ZNF385D: variants seen among roughly 807,000 people sequenced by gnomAD.
The protein encoded by ZNF385D is zinc finger protein 385D.
ZNF385D carries 15 observed loss-of-function variants against 35.8 expected under a neutral mutation model. That is an observed-to-expected ratio of 0.42 (90% CI 0.28 to 0.64). ZNF385D has a LOEUF of 0.64. ZNF385D is among the 30% of genes least tolerant of loss of function. The probability of loss-of-function intolerance (pLI) is 0.23; values close to 1 mark genes in which losing one functional copy is unlikely to be tolerated. For missense variants in ZNF385D, 474 were observed against 494.6 expected (o/e 0.96, Z 0.39); for synonymous variants, 212 against 186.8 (o/e 1.13, Z -1.10).
chr3:21,607,479 AT>A (rs1311968032), intron 2 of ZNF385D, among the ~76,000 whole-genome samples: 1 of 150,098 alleles, frequency 6.7e-6, no homozygotes, highest in East Asian at 1.9e-4. Context: ...CTACTGCTCT[AT>A]CATTATCATT....
chr3:21,867,542 T>A (rs900113447), intron 3 of ZNF385D, among the ~76,000 whole-genome samples: 1 of 152,164 alleles, frequency 6.6e-6, no homozygotes, highest in Non-Finnish European at 1.5e-5. Context: ...TCTGTCAAGA[T>A]TGCGTCTTGA....
chr3:21,618,027 A>G (rs374454148), intron 2 of ZNF385D, among the ~76,000 whole-genome samples: 3 of 152,246 alleles, frequency 2.0e-5, no homozygotes, highest in Middle Eastern at 6.8e-3. Context: ...CTTTTCTCCT[A>G]TGCAGTGGGT....
At chr3:21,491,206 G>A (rs1192212438) in intron 4 of ZNF385D, among the ~76,000 whole-genome samples, 1 of 70,568 alleles carries the variant, frequency 1.4e-5, no homozygotes, top group Non-Finnish European at 2.8e-5. Flanking sequence ...GTGGGATTCA[G>A]ATAAAGGGGT....
intron 4 of ZNF385D, among the ~76,000 whole-genome samples, chr3:21,442,069 G>A (rs1701888666): frequency 6.6e-6 from 1 of 152,148 alleles, no homozygotes; most frequent in East Asian, 1.9e-4. Flanking sequence ...ATTCAAAGTG[G>A]CCCATTTGTG....
At chr3:22,344,766 G>T (rs138048517) in intron 2 of ZNF385D, among the ~76,000 whole-genome samples, 68 of 152,198 alleles carry the variant, frequency 4.5e-4, no homozygotes, top group African/African-American at 1.6e-3. Flanking sequence ...TGTTTGTAAA[G>T]ATTAAGTATA....
intron 1 of ZNF385D, among the ~76,000 whole-genome samples, chr3:21,725,459 G>A (rs767814922): frequency 6.6e-6 from 1 of 152,026 alleles, no homozygotes; most frequent in Non-Finnish European, 1.5e-5. Context: ...GAAGAAGACA[G>A]AGAAGAATCA....
intron 2 of ZNF385D, among the ~76,000 whole-genome samples, chr3:21,615,354 G>GT (rs75924497): frequency 0.31 from 46,824 of 152,012 alleles, 8,071 homozygotes; most frequent in South Asian, 0.48. Flanking sequence ...GCCATGCTTT[G>GT]TGTACAGCCT....
At chr3:21,677,535 C>A (rs1047944886) in intron 1 of ZNF385D, among the ~76,000 whole-genome samples, 1 of 151,984 alleles carries the variant, frequency 6.6e-6, no homozygotes. Context: ...CATGTTCTTA[C>A]TATTCCTTAG....
At chr3:21,694,042 C>CTCTTTTTTTTTTTTTTTTTTTTT (rs2067379702) in intron 1 of ZNF385D, among the ~76,000 whole-genome samples, 1 of 22,178 alleles carries the variant, frequency 4.5e-5, no homozygotes, top group Non-Finnish European at 8.5e-5. Flanking sequence ...CTACGCCTGG[C>CTCTTTTTTTTTTTTTTTTTTTTT]TTTTTTTTTT....
intron 3 of ZNF385D, among the ~76,000 whole-genome samples, chr3:22,148,970 C>T (rs912697381): frequency 6.6e-6 from 1 of 152,158 alleles, no homozygotes; most frequent in Non-Finnish European, 1.5e-5. Flanking sequence ...ACTCAAACTT[C>T]TATCTAATAT....
intron 2 of ZNF385D, among the ~76,000 whole-genome samples, chr3:21,602,201 G>A (rs2064315293): frequency 6.6e-6 from 1 of 151,920 alleles, no homozygotes; most frequent in Non-Finnish European, 1.5e-5. Context: ...GGGGGAAACT[G>A]CCCCCATGAT....
intron 2 of ZNF385D, among the ~76,000 whole-genome samples, chr3:22,307,429 A>G (rs962984647): frequency 1.1e-4 from 16 of 152,160 alleles, no homozygotes; most frequent in African/African-American, 2.9e-4. Flanking sequence ...GCTTCATGAT[A>G]GCAGTGGTTT....
intron 3 of ZNF385D, among the ~76,000 whole-genome samples, chr3:22,155,106 TA>T (rs1298202028): frequency 6.6e-6 from 1 of 152,168 alleles, no homozygotes; most frequent in Non-Finnish European, 1.5e-5. Context: ...TGCAACTTCT[TA>T]ATTGCCCTGA....
chr3:21,966,306 C>A (rs141481934), intron 3 of ZNF385D, among the ~76,000 whole-genome samples: 4 of 152,260 alleles, frequency 2.6e-5, no homozygotes, highest in African/African-American at 9.6e-5. Flanking sequence ...ACAAACTGAA[C>A]TGGTAGTAAA....
At chr3:21,989,837 C>G (rs1375871921) in intron 3 of ZNF385D, among the ~76,000 whole-genome samples, 1 of 152,188 alleles carries the variant, frequency 6.6e-6, no homozygotes, top group African/African-American at 2.4e-5. Flanking sequence ...AGCTGTGCCA[C>G]TTTCACATGT....
intron 3 of ZNF385D, among the ~76,000 whole-genome samples, chr3:22,153,403 G>C (rs976760504): frequency 2.6e-5 from 4 of 151,422 alleles, no homozygotes; most frequent in African/African-American, 9.7e-5. Context: ...ATGGGCACAA[G>C]TTCCTGCATT....
intron 2 of ZNF385D, among the ~76,000 whole-genome samples, chr3:22,207,119 T>G: frequency 6.6e-6 from 1 of 151,914 alleles, no homozygotes; most frequent in Non-Finnish European, 1.5e-5. Context: ...GAGGCTACTA[T>G]AAGCAACAGT....
At chr3:22,273,478 G>A (rs776835766) in intron 2 of ZNF385D, among the ~76,000 whole-genome samples, 3 of 151,860 alleles carry the variant, frequency 2.0e-5, no homozygotes, top group Non-Finnish European at 2.9e-5. Flanking sequence ...AATGGGTAGA[G>A]GCCAGAGAAG....
At chr3:22,143,397 A>G (rs543246991) in intron 3 of ZNF385D, among the ~76,000 whole-genome samples, 2 of 152,116 alleles carry the variant, frequency 1.3e-5, no homozygotes, top group African/African-American at 4.8e-5. Flanking sequence ...TGTTTTACGC[A>G]TTTAAGTTAA....
Sources: allele counts gnomAD v4.1 joint callset (sites outside exome capture counted in the v4.1 genomes callset), GRCh38; gene constraint gnomAD v4.1.1; transcripts MANE v1.5; gene names NCBI Gene and HGNC (gene_info 2026-07-23, HGNC 2026-07-21).